The following PRKG1 variants were observed in gnomAD, a reference collection of about 807,000 sequenced individuals.
PRKG1 encodes protein kinase cGMP-dependent 1.
PRKG1 carries 35 observed loss-of-function variants against 88.1 expected under a neutral mutation model. The ratio of observed to expected loss-of-function variants is 0.40; its 90% CI spans 0.30 to 0.53. The LOEUF (loss-of-function observed/expected upper bound fraction) is 0.53. Ranked by LOEUF, PRKG1 falls within the 20% of genes least tolerant of loss-of-function variation. The pLI, the probability that PRKG1 is intolerant of heterozygous loss-of-function variation, is 0.59. For synonymous variants in PRKG1, 303 were observed against 292.5 expected, an observed-to-expected ratio of 1.04 and a Z score of -0.37; for missense variants, 540 against 839.8, an observed-to-expected ratio of 0.64 and a Z score of 4.41.
chr10:51,962,624 C>CT (rs963148029), intron 5 of PRKG1, among the ~76,000 whole-genome samples: 10 of 152,036 alleles, frequency 6.6e-5, no homozygotes, highest in African/African-American at 2.2e-4. Context: ...GATAATCCTG[C>CT]TTTTTTTTCC....
intron 4 of PRKG1, among the ~76,000 whole-genome samples, chr10:51,829,398 C>T (rs1187464106): frequency 2.0e-5 from 3 of 152,170 alleles, no homozygotes; most frequent in Non-Finnish European, 2.9e-5. Context: ...TCAGGGATTA[C>T]TGGTGGCTAC....
chr10:51,931,051 C>T (rs917853413), intron 5 of PRKG1, among the ~76,000 whole-genome samples: 2 of 152,128 alleles, frequency 1.3e-5, no homozygotes, highest in Admixed American at 6.6e-5. Flanking sequence ...TTCTCTACTC[C>T]TCTGTAACAT....
At chr10:51,397,597 A>C (rs1378648593) in intron 2 of PRKG1, among the ~76,000 whole-genome samples, 1 of 152,054 alleles carries the variant, frequency 6.6e-6, no homozygotes, top group Non-Finnish European at 1.5e-5. Flanking sequence ...ACCTCCTTTG[A>C]CTATTTTCTG....
At chr10:51,012,027 C>G (rs1445430069) in intron 1 of PRKG1, among the ~76,000 whole-genome samples, 1 of 152,206 alleles carries the variant, frequency 6.6e-6, no homozygotes, top group Non-Finnish European at 1.5e-5. Flanking sequence ...GACTTATTCA[C>G]TATCACAAGA....
intron 2 of PRKG1, among the ~76,000 whole-genome samples, chr10:51,223,889 G>T (rs1339949597): frequency 6.6e-6 from 1 of 152,158 alleles, no homozygotes; most frequent in African/African-American, 2.4e-5. Context: ...ATTAAATATA[G>T]TTCATTTCAT....
chr10:51,813,161 C>T (rs1304384758), intron 4 of PRKG1, among the ~76,000 whole-genome samples: 1 of 152,116 alleles, frequency 6.6e-6, no homozygotes, highest in African/African-American at 2.4e-5. Context: ...ATAAAATAAA[C>T]AGCAAGTAAT....
At chr10:52,282,064 T>C in intron 13 of PRKG1, 89 bp from the exon 14 acceptor site, 2 of 1,237,786 alleles carry the variant, frequency 1.6e-6, no homozygotes, top group South Asian at 1.8e-5. Flanking sequence ...TTTTAAATTA[T>C]TATCATCATC....
In PRKG1 at chr10:52,251,794, G is replaced by T. The variant is rs548274972; in HGVS notation, c.1173+128G>T. 3.7e-5 allele frequency: 29 copies of T among 792,062 alleles called. No individual in the cohort carries two copies. In the Admixed American group the frequency reaches 6.9e-4, roughly 19 times the overall value. 49.1% of individuals were successfully genotyped at this position (792,062 alleles called of 1,614,324 possible). A position where few individuals can be genotyped will look rare whatever the true frequency, so the allele number is the denominator to read the frequency against. ...ATTAATTACCATGATTCCTAAATCA[G>T]TTCCAAATACTTTGCGGCAGACATG... is the stretch of plus-strand genomic sequence containing the variant. On this transcript the variant is annotated intron_variant, in intron 10 of 17. Transcript: ENST00000373980.
chr10:51,670,198 G>A (rs1207535625), intron 3 of PRKG1, among the ~76,000 whole-genome samples: 1 of 151,688 alleles, frequency 6.6e-6, no homozygotes, highest in African/African-American at 2.4e-5. Flanking sequence ...ATATTACTTG[G>A]TTGGCCTATA....
chr10:51,300,649 A>G (rs1840858805), intron 2 of PRKG1, among the ~76,000 whole-genome samples: 4 of 152,244 alleles, frequency 2.6e-5, no homozygotes, highest in Admixed American at 6.5e-5. Context: ...CTTCAGAGGT[A>G]AGAACCATAA....
chr10:51,103,259 T>C (rs1244830325), intron 1 of PRKG1, among the ~76,000 whole-genome samples: 1 of 152,128 alleles, frequency 6.6e-6, no homozygotes, highest in Non-Finnish European at 1.5e-5. Context: ...AGGACAATGT[T>C]TCCAAATTAT....
intron 7 of PRKG1, among the ~76,000 whole-genome samples, chr10:52,095,264 A>G (rs1357416674): frequency 6.6e-6 from 1 of 151,712 alleles, no homozygotes; most frequent in Non-Finnish European, 1.5e-5. Flanking sequence ...TAAATTCCTC[A>G]TTTTCTTTAA....
At chr10:51,337,486 G>A (rs1291623201) in intron 2 of PRKG1, among the ~76,000 whole-genome samples, 1 of 152,022 alleles carries the variant, frequency 6.6e-6, no homozygotes, top group Non-Finnish European at 1.5e-5. Context: ...CCTACAGAGT[G>A]GGAGAAAATT....
chr10:51,116,588 A>T (rs1845128259), intron 1 of PRKG1, among the ~76,000 whole-genome samples: 1 of 152,240 alleles, frequency 6.6e-6, no homozygotes, highest in Non-Finnish European at 1.5e-5. Flanking sequence ...GGAAGTGAAC[A>T]GTAAAAGGTG....
At chr10:52,042,272 A>G (rs1245735549) in intron 5 of PRKG1, among the ~76,000 whole-genome samples, 2 of 152,208 alleles carry the variant, frequency 1.3e-5, no homozygotes, top group Non-Finnish European at 2.9e-5. Flanking sequence ...AGCCAAAGCA[A>G]TCTTAAGCAA....
chr10:51,565,597 G>A (rs1321555504), intron 3 of PRKG1, among the ~76,000 whole-genome samples: 1 of 152,070 alleles, frequency 6.6e-6, no homozygotes, highest in Non-Finnish European at 1.5e-5. Context: ...TGCAATTTAA[G>A]TATTAAAGTG....
Position 51,550,426 on chromosome 10 carries a change from AC to A in PRKG1, c.592+82591del, listed in dbSNP as rs560638181. Among the ~76,000 whole-genome samples, 40 of 152,100 alleles carry A rather than the reference AC, an allele frequency of 2.6e-4. 3 individuals carry two copies. The South Asian group carries it at 5.0e-3, about 19-fold the overall frequency. On this transcript the variant is annotated intron_variant, in intron 3 of 17. Coordinates refer to ENST00000373980, the MANE Select transcript of PRKG1 (RefSeq NM_006258.4). Reference sequence around the variant, plus strand: ...TCTCCATATAATTTTAGTACAAATGACGAAAGGAGATTATTCTGAGATATGT... The same window carrying A: ...TCTCCATATAATTTTAGTACAAATGAGAAAGGAGATTATTCTGAGATATGT...
chr10:51,510,615 A>G (rs78931568), intron 3 of PRKG1, among the ~76,000 whole-genome samples: 2,666 of 152,330 alleles, frequency 0.018, 55 homozygotes, highest in African/African-American at 0.045. Flanking sequence ...ACATTTTAAA[A>G]TAAAACTAAT....
intron 3 of PRKG1, among the ~76,000 whole-genome samples, chr10:51,498,092 T>C (rs1193221898): frequency 6.6e-6 from 1 of 152,168 alleles, no homozygotes; most frequent in Non-Finnish European, 1.5e-5. Context: ...GGGTTAGTGC[T>C]AATCAGTTTA....
Sources: gnomAD v4.1 joint callset for allele counts (sites outside exome capture counted in the v4.1 genomes callset) on GRCh38, gnomAD v4.1.1 for gene constraint, MANE v1.5 for transcripts, NCBI Gene and HGNC (gene_info 2026-07-23, HGNC 2026-07-21) for gene names.